NRXN3: variants seen among roughly 807,000 people sequenced by gnomAD.
NRXN3 encodes neurexin 3.
NRXN3 carries 32 observed loss-of-function variants against 137.6 expected under a neutral mutation model. The ratio of observed to expected loss-of-function variants is 0.23; its 90% CI spans 0.18 to 0.31. The LOEUF (loss-of-function observed/expected upper bound fraction) is 0.31. NRXN3 is among the 10% of genes least tolerant of loss of function. NRXN3 has a pLI of 1.00. For synonymous variants in NRXN3, 798 were observed against 784.5 expected (o/e 1.02, Z -0.29); for missense variants, 1,574 against 2,062.5 (o/e 0.76, Z 4.59).
At chr14:79,519,963 A>G (rs1404577329) in intron 16 of NRXN3, among the ~76,000 whole-genome samples, 5 of 152,022 alleles carry the variant, frequency 3.3e-5, no homozygotes, top group African/African-American at 7.2e-5. Flanking sequence ...TACTTCATCT[A>G]TCATTGAATA....
At chr14:78,769,761 G>A (rs541677877) in intron 8 of NRXN3, among the ~76,000 whole-genome samples, 1 of 152,326 alleles carries the variant, frequency 6.6e-6, no homozygotes, top group South Asian at 2.1e-4. Flanking sequence ...GGGACATATT[G>A]ATTATGCTGA....
intron 4 of NRXN3, among the ~76,000 whole-genome samples, chr14:78,525,519 C>A (rs1330728012): frequency 6.6e-6 from 1 of 152,140 alleles, no homozygotes; most frequent in Non-Finnish European, 1.5e-5. Context: ...TTACTGTAGA[C>A]CCAGCCCTAT....
intron 1 of NRXN3, among the ~76,000 whole-genome samples, chr14:78,229,817 T>C (rs1748960668): frequency 6.6e-6 from 1 of 152,144 alleles, no homozygotes; most frequent in Non-Finnish European, 1.5e-5. Context: ...TGTTTATGTC[T>C]TCCTACAGGA....
At chr14:78,883,090 T>C (rs1475195727) in intron 10 of NRXN3, among the ~76,000 whole-genome samples, 2 of 152,154 alleles carry the variant, frequency 1.3e-5, no homozygotes, top group East Asian at 1.9e-4. Flanking sequence ...TCTGCCATGA[T>C]TGTAAGTTTC....
intron 19 of NRXN3, among the ~76,000 whole-genome samples, chr14:79,798,913 A>G (rs2099168693): frequency 6.6e-6 from 1 of 152,216 alleles, no homozygotes; most frequent in African/African-American, 2.4e-5. Context: ...GAAGCCAATG[A>G]TTATAGAAGC....
intron 15 of NRXN3, among the ~76,000 whole-genome samples, chr14:79,175,685 G>A (rs746313816): frequency 3.3e-5 from 5 of 152,288 alleles, no homozygotes; most frequent in African/African-American, 4.8e-5. Context: ...CTTGAAAACC[G>A]TGGGCTGCTT....
intron 15 of NRXN3, among the ~76,000 whole-genome samples, chr14:79,268,298 A>G (rs2078745227): frequency 6.6e-6 from 1 of 152,208 alleles, no homozygotes; most frequent in South Asian, 2.1e-4. Context: ...TTCAGGATAT[A>G]ACGATGTTTT....
chr14:78,319,141 AAGG>A (rs2079041774), intron 4 of NRXN3, among the ~76,000 whole-genome samples: 1 of 152,192 alleles, frequency 6.6e-6, no homozygotes, highest in Non-Finnish European at 1.5e-5. Flanking sequence ...CAAAGATCCA[AAGG>A]AGGAGAACAG....
chr14:78,633,893 A>G (rs1466211034), intron 4 of NRXN3, among the ~76,000 whole-genome samples: 1 of 152,170 alleles, frequency 6.6e-6, no homozygotes, highest in Admixed American at 6.5e-5. Flanking sequence ...TTAACAAGCC[A>G]CTCTGTCTAG....
chr14:78,998,268 A>G (rs1397998539), intron 15 of NRXN3, among the ~76,000 whole-genome samples: 1 of 152,088 alleles, frequency 6.6e-6, no homozygotes, highest in Non-Finnish European at 1.5e-5. Flanking sequence ...ACCTGACTTC[A>G]CCTTTGCACT....
intron 15 of NRXN3, among the ~76,000 whole-genome samples, chr14:79,319,456 A>G (rs2089574283): frequency 6.6e-6 from 1 of 152,214 alleles, no homozygotes; most frequent in South Asian, 2.1e-4. Flanking sequence ...AGGCTCTTGG[A>G]GAGCTTTTAG....
chr14:79,650,845 TG>T (rs1254546605), intron 16 of NRXN3, among the ~76,000 whole-genome samples: 3 of 152,130 alleles, frequency 2.0e-5, no homozygotes, highest in Non-Finnish European at 4.4e-5. Context: ...CAAACTGAAA[TG>T]GATGGTGGTT....
intron 20 of NRXN3, 138 bp downstream of exon 20, chr14:79,805,328 G>A: frequency 2.5e-6 from 1 of 399,740 alleles, no homozygotes; most frequent in Non-Finnish European, 4.4e-6. Context: ...ATCTATATAT[G>A]TATAAGTATA....
chr14:79,408,599 A>G (rs2095357876), intron 15 of NRXN3, among the ~76,000 whole-genome samples: 1 of 152,106 alleles, frequency 6.6e-6, no homozygotes, highest in Admixed American at 6.6e-5. Context: ...CTTTTTTTGA[A>G]GGAATTTTTA....
intron 4 of NRXN3, among the ~76,000 whole-genome samples, chr14:78,523,751 A>G (rs888795928): frequency 2.2e-5 from 3 of 136,322 alleles, no homozygotes; most frequent in Non-Finnish European, 3.1e-5. Flanking sequence ...CAGGAGGCGG[A>G]GCTTGCAGTG....
At chr14:79,513,391 A>G (rs2096951757) in intron 16 of NRXN3, among the ~76,000 whole-genome samples, 1 of 152,136 alleles carries the variant, frequency 6.6e-6, no homozygotes, top group African/African-American at 2.4e-5. Flanking sequence ...AGGACATTTC[A>G]CCACCCACTA....
chr14:79,637,295 T>C (rs1383799756), intron 16 of NRXN3, among the ~76,000 whole-genome samples: 1 of 150,596 alleles, frequency 6.6e-6, no homozygotes, highest in Non-Finnish European at 1.5e-5. Context: ...ATTGATATTA[T>C]TATTATTGTT....
chr14:78,482,890 G>A (rs2095497317), intron 4 of NRXN3, among the ~76,000 whole-genome samples: 1 of 152,052 alleles, frequency 6.6e-6, no homozygotes, highest in African/African-American at 2.4e-5. Context: ...GTCAATCTGG[G>A]TTGCAGTTCT....
In NRXN3 at chr14:78,573,133, G is replaced by T. The variant is rs2096905414; in HGVS notation, c.758-71987G>T. Among the ~76,000 whole-genome samples, 3 of 152,150 alleles carry T rather than the reference G, an allele frequency of 2.0e-5. No homozygotes were observed. The South Asian group carries it at 6.2e-4, about 32-fold the overall frequency. On this transcript the variant is annotated intron_variant, in intron 4 of 20. Transcript: ENST00000335750. The stretch of plus-strand genomic sequence containing the variant: ...ACTGCCCCGTGAAGAGATGCCTTCT[G>T]CCATGATTGTAAGTTTCCTGAGGTC...
Sources: allele counts gnomAD v4.1 joint callset (sites outside exome capture counted in the v4.1 genomes callset), GRCh38; gene constraint gnomAD v4.1.1; transcripts MANE v1.5; gene names NCBI Gene and HGNC (gene_info 2026-07-23, HGNC 2026-07-21).